Variants in GPSM1 observed in about 807,000 individuals in gnomAD.
GPSM1 encodes G protein signaling modulator 1.
In GPSM1, 48 loss-of-function variants were observed where a neutral mutation model predicts 70.5. That is an observed-to-expected ratio of 0.68 (90% CI 0.54 to 0.87). The LOEUF (loss-of-function observed/expected upper bound fraction) is 0.87. Among genes scored for constraint, GPSM1 ranks in the 40% least tolerant of loss-of-function variants. The pLI is 0.00. For missense variants in GPSM1, 981 were observed against 972.6 expected (o/e 1.01, Z -0.11); for synonymous variants, 416 against 430.1 (o/e 0.97, Z 0.41).
At position 136,334,628 on chromosome 9, in the gene GPSM1, C is replaced by T. The variant is rs782065303; in HGVS notation, c.250C>T (p.Arg84Trp). The T allele has an allele frequency of 2.7e-5, 44 of 1,612,560 alleles. No individual in the cohort carries two copies. Among genetic ancestry groups the T allele is most frequent in the South Asian group, 7.7e-5 (7 of 91,072 alleles). Residue 84 changes from arginine (R) to tryptophan (W), a missense_variant, in exon 2 of 14, where the codon CGG (arginine) becomes TGG (tryptophan). Arg to Trp is a moderately radical substitution (Grantham distance 101, BLOSUM62 -3). Coordinates refer to ENST00000440944, the MANE Select transcript of GPSM1 (RefSeq NM_001145638.3). ...NAYFYLKEHG[R>W]ALEYHKHDLL... ...CTACTTCTACCTGAAGGAGCACGGCCGGGCGCTGGAATACCACAAGCATGA... is the reference window on the plus strand; with the variant it reads ...CTACTTCTACCTGAAGGAGCACGGCTGGGCGCTGGAATACCACAAGCATGA...
At chr9:136,333,753 C>T (rs1351407708) in intron 1 of GPSM1, among the ~76,000 whole-genome samples, 2 of 152,310 alleles carry the variant, frequency 1.3e-5, no homozygotes, top group African/African-American at 4.8e-5. Flanking sequence ...GTTCTCAGGC[C>T]TGTCCTGGCT....
chr9:136,346,664 G>T (rs991680158), intron 9 of GPSM1, among the ~76,000 whole-genome samples: 1 of 152,346 alleles, frequency 6.6e-6, no homozygotes, highest in African/African-American at 2.4e-5. Flanking sequence ...CTCATCCGCA[G>T]CATGGGCCTG....
rs1936145520 is a variant in GPSM1 at position 136,348,706 on chromosome 9, C to T, written c.1217C>T (p.Pro406Leu). ...GTCCCTCTGTCTTCAGGGGCCAGAC[C>T]CAAGAGGACGCAGAGGCTGAGCGCG... ...LAGYEAQGAR[P>L]KRTQRLSAET... The change falls in exon 10 of 14, where the codon CCC (proline) becomes CTC (leucine). Residue 406 changes from proline (P) to leucine (L), a missense_variant. By Grantham distance (98) the Pro-to-Leu change is moderately conservative. Transcript: ENST00000440944. 1 of 1,611,664 alleles carries T rather than the reference C, an allele frequency of 6.2e-7. No individual in the cohort carries two copies. The highest frequency in any genetic ancestry group is 8.5e-7 in the Non-Finnish European group (1 of 1,179,256).
intron 4 of GPSM1, 127 bp downstream of exon 4, chr9:136,337,199 T>C: frequency 9.4e-7 from 1 of 1,066,212 alleles, no homozygotes; most frequent in Non-Finnish European, 1.3e-6. Flanking sequence ...GACGGCCAGG[T>C]CCGCCCACCC....
intron 1 of GPSM1, among the ~76,000 whole-genome samples, chr9:136,330,428 G>A (rs115649545): frequency 0.019 from 2,963 of 152,246 alleles, 97 homozygotes; most frequent in African/African-American, 0.067. Context: ...GGGTCGCTGG[G>A]CAGCGACGGG....
At chr9:136,350,153 G>A (rs1298066948) in intron 11 of GPSM1, among the ~76,000 whole-genome samples, 1 of 152,172 alleles carries the variant, frequency 6.6e-6, no homozygotes, top group Non-Finnish European at 1.5e-5. Context: ...CCTTTGTTGG[G>A]ACCCTCCAGA....
At position 136,342,497 on chromosome 9, in the gene GPSM1, G is replaced by A. The variant is rs1554770473; in HGVS notation, c.1207+1504G>A. Among the ~76,000 whole-genome samples the A allele has an allele frequency of 1.3e-5, 2 of 151,640 alleles. No homozygotes were observed. The highest frequency in any genetic ancestry group is 4.9e-5 in the African/African-American group (2 of 40,948). ...CCGGCCGGACGCCTCCTCCCCCAGG[G>A]CTGGGGAAGGGTCCTCCTCCCCGCC... On this transcript the variant is annotated intron_variant, in intron 9 of 13. Coordinates refer to ENST00000440944, the MANE Select transcript of GPSM1 (RefSeq NM_001145638.3). This position sits in a 1 kb window ranked among gnomAD's most constrained non-coding sequence, Gnocchi z 5.5.
At position 136,340,367 on chromosome 9, in the gene GPSM1, C is replaced by T. The variant is rs1358176638; in HGVS notation, c.1084-503C>T. Among the ~76,000 whole-genome samples the T allele has an allele frequency of 1.3e-5, 2 of 152,074 alleles. No individual in the cohort carries two copies. Among genetic ancestry groups the T allele is most frequent in the African/African-American group, 2.4e-5 (1 of 41,426 alleles). ...AAGAGCTTCACTGGCAGCCAGCAGGCAGCCCCCGTGTCCCTCTGAGTGCAG... is the reference window on the plus strand; with the variant it reads ...AAGAGCTTCACTGGCAGCCAGCAGGTAGCCCCCGTGTCCCTCTGAGTGCAG... On this transcript the variant is annotated intron_variant, in intron 8 of 13. Transcript: ENST00000440944. The surrounding 1 kb of genome is among the most constrained non-coding windows in gnomAD (Gnocchi z 7.3).
chr9:136,329,600 C>T (rs1162709569), intron 1 of GPSM1, among the ~76,000 whole-genome samples: 1 of 152,168 alleles, frequency 6.6e-6, no homozygotes, highest in African/African-American at 2.4e-5. Context: ...TGGGGTCCCT[C>T]AATGTGGATG....
intron 7 of GPSM1, among the ~76,000 whole-genome samples, chr9:136,339,339 G>A (rs569694255): frequency 3.6e-4 from 55 of 152,376 alleles, no homozygotes; most frequent in African/African-American, 1.1e-3. Context: ...GAGGGTGCCC[G>A]TAAGGGTGGA....
chr9:136,332,673 G>C (rs1554768652), intron 1 of GPSM1, among the ~76,000 whole-genome samples: 1 of 152,094 alleles, frequency 6.6e-6, no homozygotes, highest in African/African-American at 2.4e-5. Flanking sequence ...GTGGGCTCCT[G>C]TGACCCACGT....
At chr9:136,333,924 G>T (rs1016948614) in intron 1 of GPSM1, among the ~76,000 whole-genome samples, 1 of 152,064 alleles carries the variant, frequency 6.6e-6, no homozygotes, top group African/African-American at 2.4e-5. Flanking sequence ...GGTGGGGGAG[G>T]AGCCGAGATC....
Position 136,358,286 on chromosome 9 carries a change from C to A in GPSM1, c.*66C>A. ...TGGACGCCGGTCTCACAGTCACAGC[C>A]ACGTCCTCCCGAGGCCATTGCCGAG... On this transcript the variant is annotated 3_prime_UTR_variant, in exon 14 of 14. Transcript: ENST00000440944. 1 of 1,360,124 alleles carries A rather than the reference C, an allele frequency of 7.4e-7. No individual in the cohort carries two copies. The highest frequency in any genetic ancestry group is 1.3e-5 in the South Asian group (1 of 79,958). The allele number at this position is 1,360,124 out of a possible 1,614,324, so 84.3% of individuals were successfully genotyped here. A position where few individuals can be genotyped will look rare whatever the true frequency, so the allele number is the denominator to read the frequency against.
At chr9:136,339,632 A>G (rs1832336354) in intron 7 of GPSM1, 75 bp from the exon 8 acceptor site, 3 of 1,039,190 alleles carry the variant, frequency 2.9e-6, no homozygotes, top group Non-Finnish European at 4.4e-6. Flanking sequence ...TGGGGCCGTG[A>G]CCACCAGGGG....
Position 136,341,131 on chromosome 9 carries a change from T to G in GPSM1, c.1207+138T>G. ...GAAAATGGCGCCTACAAGCCAGTTC[T>G]TCTTGGCCTCAGGGACAGCACAGGC... On this transcript the variant is annotated intron_variant, in intron 9 of 13. Transcript: ENST00000440944. This position sits in a 1 kb window ranked among gnomAD's most constrained non-coding sequence, Gnocchi z 6.7. 6.5e-7 allele frequency: 1 copy of G among 1,550,124 alleles called. No individual in the cohort carries two copies. Among genetic ancestry groups the G allele is most frequent in the Non-Finnish European group, 8.7e-7 (1 of 1,146,868 alleles).
chr9:136,338,008 C>T, intron 6 of GPSM1, 47 bp downstream of exon 6: 1 of 1,275,438 alleles, frequency 7.8e-7, no homozygotes, highest in Non-Finnish European at 1.1e-6. Flanking sequence ...GCCGGGGGGG[C>T]TGGATGCCAG....
chr9:136,353,557 C>T (rs1028435830), intron 11 of GPSM1, among the ~76,000 whole-genome samples: 4 of 152,200 alleles, frequency 2.6e-5, no homozygotes, highest in Non-Finnish European at 5.9e-5. Context: ...TGGGCCCCTG[C>T]CCCCATGTGA....
chr9:136,332,178 G>A (rs927437541), intron 1 of GPSM1: 6 of 399,198 alleles, frequency 1.5e-5, no homozygotes, highest in South Asian at 1.3e-4. Flanking sequence ...GAGGTGCGGC[G>A]GGCAGCGAGT....
rs1358736985 is a variant in GPSM1 at position 136,342,909 on chromosome 9, T to C, written c.1207+1916T>C. ...GGGCTTCAGCCCGGCGGGGACGCGG[T>C]GGGGCGTGGCCTTGCTGTTGTGGGC... On this transcript the variant is annotated intron_variant, in intron 9 of 13. Coordinates refer to ENST00000440944, the MANE Select transcript of GPSM1 (RefSeq NM_001145638.3). The surrounding 1 kb of genome is among the most constrained non-coding windows in gnomAD (Gnocchi z 5.5). Among the ~76,000 whole-genome samples, 1 of 151,504 alleles carries C rather than the reference T, an allele frequency of 6.6e-6. No individual in the cohort carries two copies. Among genetic ancestry groups the C allele is most frequent in the Non-Finnish European group, 1.5e-5 (1 of 67,866 alleles).
Sources: gnomAD v4.1 joint callset for allele counts (sites outside exome capture counted in the v4.1 genomes callset) on GRCh38, gnomAD v4.1.1 for gene constraint, Gnocchi (gnomAD v3.1) non-coding constraint, MANE v1.5 for transcripts, NCBI Gene and HGNC (gene_info 2026-07-23, HGNC 2026-07-21) for gene names.